Variants in NEK7 observed in about 807,000 individuals in gnomAD.
The protein encoded by NEK7 is serine/threonine-protein kinase Nek7.
Under a neutral mutation model 44.6 loss-of-function variants are expected in NEK7, and 18 were observed. The ratio of observed to expected loss-of-function variants is 0.40; its 90% CI spans 0.28 to 0.60. The LOEUF (loss-of-function observed/expected upper bound fraction) is 0.60. Ranked by LOEUF, NEK7 falls within the 20% of genes least tolerant of loss-of-function variation. The pLI is 0.38. For synonymous variants in NEK7, 130 were observed against 121.1 expected (o/e 1.07, Z -0.48); for missense variants, 256 against 366.5 (o/e 0.70, Z 2.46).
At chr1:198,217,394 C>A (rs1665951723) in intron 1 of NEK7, among the ~76,000 whole-genome samples, 1 of 138,576 alleles carries the variant, frequency 7.2e-6, no homozygotes, top group Non-Finnish European at 1.5e-5. Context: ...GCCAGCATCT[C>A]CTTATGATAA....
At chr1:198,210,974 G>A (rs375303887) in intron 1 of NEK7, among the ~76,000 whole-genome samples, 2 of 151,458 alleles carry the variant, frequency 1.3e-5, no homozygotes, top group Admixed American at 6.6e-5. Flanking sequence ...GGATGGTCTC[G>A]ATCTCCTGAC....
Position 198,321,401 on chromosome 1 carries a change from C to T in NEK7, c.*1879C>T, listed in dbSNP as rs887361802. On this transcript the variant is annotated 3_prime_UTR_variant, in exon 10 of 10. Coordinates refer to ENST00000367385, the MANE Select transcript of NEK7 (RefSeq NM_133494.3). ...TCCTAGAAGTATGAGAAGAATTATTCTTATTGACCATTAATGTCATGTTCA... is the reference window on the plus strand; with the variant it reads ...TCCTAGAAGTATGAGAAGAATTATTTTTATTGACCATTAATGTCATGTTCA... 3 of 151,962 alleles carry T rather than the reference C, an allele frequency of 2.0e-5. No homozygotes were observed. Among genetic ancestry groups the T allele is most frequent in the African/African-American group, 7.3e-5 (3 of 41,376 alleles). 9.4% of individuals were successfully genotyped at this position (151,962 alleles called of 1,614,324 possible). A position where few individuals can be genotyped will look rare whatever the true frequency, so the allele number is the denominator to read the frequency against.
At chr1:198,183,219 G>C (rs746264452) in intron 1 of NEK7, among the ~76,000 whole-genome samples, 1 of 152,132 alleles carries the variant, frequency 6.6e-6, no homozygotes, top group Non-Finnish European at 1.5e-5. Flanking sequence ...TGAAACTTCA[G>C]ATTTTTCTTG....
chr1:198,197,144 T>C (rs1665264612), intron 1 of NEK7, among the ~76,000 whole-genome samples: 1 of 152,226 alleles, frequency 6.6e-6, no homozygotes, highest in South Asian at 2.1e-4. Context: ...GTATCTACTT[T>C]AGTGTTCAAG....
At chr1:198,215,815 A>C (rs946330554) in intron 1 of NEK7, among the ~76,000 whole-genome samples, 5 of 150,142 alleles carry the variant, frequency 3.3e-5, no homozygotes, top group Admixed American at 1.3e-4. Context: ...ATAAAAAAAA[A>C]CATCATTATA....
chr1:198,288,885 T>C (rs1654459192), intron 7 of NEK7, among the ~76,000 whole-genome samples: 1 of 152,202 alleles, frequency 6.6e-6, no homozygotes, highest in African/African-American at 2.4e-5. Context: ...CTTAGGTGTT[T>C]TTCCTCAGCA....
chr1:198,249,574 C>T (rs1253184244), intron 2 of NEK7, among the ~76,000 whole-genome samples: 2 of 152,112 alleles, frequency 1.3e-5, no homozygotes, highest in East Asian at 3.9e-4. Flanking sequence ...TTTATGGTTG[C>T]CATTCTAACT....
intron 5 of NEK7, among the ~76,000 whole-genome samples, chr1:198,268,414 C>A (rs902200497): frequency 4.6e-5 from 7 of 152,000 alleles, no homozygotes; most frequent in Non-Finnish European, 1.0e-4. Context: ...TCCCTTACCT[C>A]TTCTTTTCAA....
At chr1:198,250,438 G>A (rs183369872) in intron 2 of NEK7, among the ~76,000 whole-genome samples, 7 of 152,136 alleles carry the variant, frequency 4.6e-5, no homozygotes, top group Admixed American at 1.3e-4. Flanking sequence ...TAGCTTGATG[G>A]GAACGGCATT....
At chr1:198,221,500 A>G (rs1000216007) in intron 1 of NEK7, among the ~76,000 whole-genome samples, 1 of 151,872 alleles carries the variant, frequency 6.6e-6, no homozygotes, top group Non-Finnish European at 1.5e-5. Context: ...AAAATGCACC[A>G]ATGATTTTTC....
Position 198,322,036 on chromosome 1 carries a change from A to G in NEK7, c.*2514A>G, listed in dbSNP as rs560094556. ...TAAATAAAGTGCTCAACAATGTGCAATGATTGTAAATTTAGTAAGATATTA... is the reference window on the plus strand; with the variant it reads ...TAAATAAAGTGCTCAACAATGTGCAGTGATTGTAAATTTAGTAAGATATTA... On this transcript the variant is annotated 3_prime_UTR_variant, in exon 10 of 10. Coordinates refer to ENST00000367385, the MANE Select transcript of NEK7 (RefSeq NM_133494.3). 6.6e-6 allele frequency: 1 copy of G among 152,274 alleles called. No individual in the cohort carries two copies. Among genetic ancestry groups the G allele is most frequent in the African/African-American group, 2.4e-5 (1 of 41,570 alleles). 9.4% of individuals were successfully genotyped at this position (152,274 alleles called of 1,614,324 possible).
intron 1 of NEK7, among the ~76,000 whole-genome samples, chr1:198,215,101 A>C (rs1361157641): frequency 6.6e-6 from 1 of 152,172 alleles, no homozygotes; most frequent in African/African-American, 2.4e-5. Context: ...ATGAAGGAGA[A>C]AGTCTTTCTC....
At position 198,306,102 on chromosome 1, in the gene NEK7, A is replaced by T. The variant is rs188656738; in HGVS notation, c.798+8862A>T. Among the ~76,000 whole-genome samples, 4 of 152,318 alleles carry T rather than the reference A, an allele frequency of 2.6e-5. No individual in the cohort carries two copies. In the East Asian group the frequency reaches 7.7e-4, roughly 29 times the overall value. On this transcript the variant is annotated intron_variant, in intron 9 of 9. Transcript: ENST00000367385. Reference sequence around the variant, plus strand: ...ACTACTCTATAAAATTGTACATACCAGTAGTGTCCACCCCCATAGAGTTTT... The same window carrying T: ...ACTACTCTATAAAATTGTACATACCTGTAGTGTCCACCCCCATAGAGTTTT...
chr1:198,198,857 A>C (rs1035619348), intron 1 of NEK7, among the ~76,000 whole-genome samples: 1 of 152,226 alleles, frequency 6.6e-6, no homozygotes, highest in Admixed American at 6.5e-5. Flanking sequence ...ACTTCCTGTC[A>C]GCCTTTCAGA....
chr1:198,300,936 G>C (rs1199816837), intron 9 of NEK7, among the ~76,000 whole-genome samples: 3 of 152,086 alleles, frequency 2.0e-5, no homozygotes, highest in Non-Finnish European at 4.4e-5. Flanking sequence ...TGTAATGCCA[G>C]GTGTCCATTT....
At chr1:198,254,055 G>A (rs549229579) in intron 3 of NEK7, among the ~76,000 whole-genome samples, 1 of 151,706 alleles carries the variant, frequency 6.6e-6, no homozygotes, top group South Asian at 2.1e-4. Context: ...GCAGATACCT[G>A]TGAAATCTAA....
intron 2 of NEK7, among the ~76,000 whole-genome samples, chr1:198,238,374 C>A (rs758745299): frequency 2.6e-5 from 4 of 152,172 alleles, no homozygotes; most frequent in African/African-American, 4.8e-5. Context: ...TGAGGAACCA[C>A]AGCTTTGAGG....
intron 9 of NEK7, among the ~76,000 whole-genome samples, chr1:198,317,416 TG>T (rs1448645908): frequency 6.6e-6 from 1 of 152,248 alleles, no homozygotes; most frequent in Non-Finnish European, 1.5e-5. Context: ...TCTCCCTTTT[TG>T]TTATTCCCAA....
rs543668270 is a variant in NEK7 at position 198,172,641 on chromosome 1, C to T, written c.-29+15365C>T. On this transcript the variant is annotated intron_variant, in intron 1 of 9. Transcript: ENST00000367385. ...CTGTGTGTATAGTGCCTACAAATCC[C>T]AGGAATATGAAAATTGTATAGATTC... 3.9e-5 allele frequency among the ~76,000 whole-genome samples: 6 copies of T among 152,234 alleles called. 1 individual carries two copies. The highest frequency in any genetic ancestry group is 2.0e-4 in the Admixed American group (3 of 15,288).
Sources: allele counts gnomAD v4.1 joint callset (sites outside exome capture counted in the v4.1 genomes callset), GRCh38; gene constraint gnomAD v4.1.1; transcripts MANE v1.5; gene names NCBI Gene and HGNC (gene_info 2026-07-23, HGNC 2026-07-21).